The following ZMYND15 variants were observed in gnomAD, a reference collection of about 807,000 sequenced individuals.
ZMYND15 encodes the protein zinc finger MYND-type containing 15, also known as zinc finger MYND domain-containing protein 15.
In ZMYND15, 54 loss-of-function variants were observed where a neutral mutation model predicts 81.7. That is an observed-to-expected ratio of 0.66 (90% CI 0.53 to 0.83). The LOEUF (loss-of-function observed/expected upper bound fraction) is 0.83. Among genes scored for constraint, ZMYND15 ranks in the 40% least tolerant of loss-of-function variants. The pLI, the probability that ZMYND15 is intolerant of heterozygous loss-of-function variation, is 0.00. For missense variants in ZMYND15, 925 were observed against 973.5 expected (o/e 0.95, Z 0.66); for synonymous variants, 399 against 387.0 (o/e 1.03, Z -0.36).
intron 4 of ZMYND15, 110 bp downstream of exon 4, chr17:4,742,180 G>A (rs757270713): frequency 1.8e-4 from 283 of 1,550,966 alleles, no homozygotes; most frequent in Admixed American, 2.5e-4. Flanking sequence ...GACATGAGAA[G>A]ATGCAGAGGA....
chr17:4,744,637 G>A lies in ZMYND15; in HGVS notation c.1696G>A (p.Val566Met), dbSNP rs771364872. ...TGGGGCCCCTCAGGACAGCCTGGAG[G>A]TGTCTGTCCGGCCTGGTTCCGGCAT... ...HFTLQRDSLE[V>M]SVRPGSGISA... Residue 566 changes from valine (V) to methionine (M), a missense_variant, in exon 11 of 14, where the codon GTG becomes ATG. By Grantham distance (21) the Val-to-Met change is conservative. Coordinates refer to ENST00000433935, the MANE Select transcript of ZMYND15 (RefSeq NM_001136046.3). This position sits in a 1 kb window ranked among gnomAD's most constrained non-coding sequence, Gnocchi z 4.1. The A allele has an allele frequency of 1.9e-6, 3 of 1,612,664 alleles. No homozygotes were observed. Among genetic ancestry groups the A allele is most frequent in the Non-Finnish European group, 2.5e-6 (3 of 1,179,896 alleles).
At position 4,743,553 on chromosome 17, in the gene ZMYND15, A is replaced by G; in HGVS notation, c.1297+98A>G. 6.6e-7 allele frequency: 1 copy of G among 1,514,578 alleles called. No homozygotes were observed. The highest frequency in any genetic ancestry group is 8.9e-7 in the Non-Finnish European group (1 of 1,124,142). The allele number at this position is 1,514,578 out of a possible 1,614,324, so 93.8% of individuals were successfully genotyped here. On this transcript the variant is annotated intron_variant, in intron 6 of 13. Coordinates refer to ENST00000433935, the MANE Select transcript of ZMYND15 (RefSeq NM_001136046.3). This position sits in a 1 kb window ranked among gnomAD's most constrained non-coding sequence, Gnocchi z 4.3. ...AGATGATCCCTCCACATACACACTGACCCCTACCAACAGCACCAGGGCCAT... is the reference window on the plus strand; with the variant it reads ...AGATGATCCCTCCACATACACACTGGCCCCTACCAACAGCACCAGGGCCAT...
At position 4,741,598 on chromosome 17, in the gene ZMYND15, C is replaced by T. The variant is rs772833855; in HGVS notation, c.609C>T (p.His203=). 1.4e-5 allele frequency: 22 copies of T among 1,613,962 alleles called. No homozygotes were observed. Among genetic ancestry groups the T allele is most frequent in the East Asian group, 4.5e-5 (2 of 44,896 alleles). ...TTTCCCCAGAGGCTGCCCCCCTGCA[C>T]GTTTCCTGTCTCTTACTTGTGACGG... is the stretch of plus-strand genomic sequence containing the variant. The part of the protein sequence containing the change: ...KGQRSEAAPL[H]VSCLLLVTDE... Residue 203 remains histidine, a synonymous_variant, in exon 3 of 14, where the codon CAC becomes CAT. Coordinates refer to ENST00000433935, the MANE Select transcript of ZMYND15 (RefSeq NM_001136046.3).
rs146332466 is a variant in ZMYND15 at position 4,742,472 on chromosome 17, G to A, written c.1125G>A (p.Leu375=). The part of the protein sequence containing the change: ...FMERAGELAT[L]PFTYTAEVTS... ...AGCGGGCAGGAGAACTGGCAACCCT[G>A]CCTTTTACCTACACCGCAGGTACCA... Residue 375 remains leucine, a synonymous_variant, in exon 5 of 14, where the codon CTG becomes CTA. Transcript: ENST00000433935. The A allele has an allele frequency of 7.8e-4, 1,251 of 1,614,122 alleles. 4 individuals carry two copies. Among genetic ancestry groups the A allele is most frequent in the Non-Finnish European group, 8.4e-4 (997 of 1,180,026 alleles).
In ZMYND15 at chr17:4,743,873, C is replaced by A. The variant is rs1387047413; in HGVS notation, c.1378+26C>A. The A allele has an allele frequency of 1.2e-6, 2 of 1,611,754 alleles. No individual in the cohort carries two copies. The highest frequency in any genetic ancestry group is 1.1e-5 in the South Asian group (1 of 90,646). Reference sequence around the variant, plus strand: ...GTGAGCTGGAGGGGCCCTGTGGAAGCTAGGGGTAGGGCCAGGGACTGGAGA... The same window carrying A: ...GTGAGCTGGAGGGGCCCTGTGGAAGATAGGGGTAGGGCCAGGGACTGGAGA... On this transcript the variant is annotated intron_variant, in intron 7 of 13. Transcript: ENST00000433935. The surrounding 1 kb of genome is among the most constrained non-coding windows in gnomAD (Gnocchi z 4.3).
chr17:4,741,857 C>T, intron 3 of ZMYND15, 41 bp downstream of exon 3: 2 of 1,588,462 alleles, frequency 1.3e-6, no homozygotes, highest in Non-Finnish European at 1.7e-6. Context: ...GGACTCGGGC[C>T]CTGGATTCCC....
chr17:4,739,967 G>T lies in ZMYND15; in HGVS notation c.-114G>T. ...GTGGCCGCCCGCTGAGCCGGCGAGG[G>T]CTCGGGCAGCCCTGACGTCACAACC... On this transcript the variant is annotated 5_prime_UTR_variant, in exon 1 of 14. Coordinates refer to ENST00000433935, the MANE Select transcript of ZMYND15 (RefSeq NM_001136046.3). The surrounding 1 kb of genome is among the most constrained non-coding windows in gnomAD (Gnocchi z 5.3). The T allele has an allele frequency of 2.0e-6, 2 of 985,256 alleles. No individual in the cohort carries two copies. The highest frequency in any genetic ancestry group is 2.4e-6 in the Non-Finnish European group (2 of 829,914). 61.0% of individuals were successfully genotyped at this position (985,256 alleles called of 1,614,324 possible). A position where few individuals can be genotyped will look rare whatever the true frequency, so the allele number is the denominator to read the frequency against.
At chr17:4,740,286 T>C (rs1916331049) in intron 1 of ZMYND15, 1 of 714,052 alleles carries the variant, frequency 1.4e-6, no homozygotes, top group African/African-American at 1.8e-5. Context: ...AAATACCATC[T>C]CATCCCTGAG....
At chr17:4,742,159 G>A (rs1916455397) in intron 4 of ZMYND15, 89 bp downstream of exon 4, 3 of 1,572,178 alleles carry the variant, frequency 1.9e-6, no homozygotes, top group Non-Finnish European at 1.7e-6. Context: ...GCAGACAGAA[G>A]GAGAGGCAGG....
At chr17:4,746,119 G>A, downstream of ZMYND15, 2 of 994,898 alleles carry the variant, frequency 2.0e-6, no homozygotes, top group Non-Finnish European at 2.7e-6. Context: ...TGAAACCACT[G>A]AGTCATGGAT....
At chr17:4,741,211 A>G in intron 2 of ZMYND15, 71 bp downstream of exon 2, 1 of 1,378,002 alleles carries the variant, frequency 7.3e-7, no homozygotes, top group Non-Finnish European at 9.4e-7. Flanking sequence ...CTCCCCTGCC[A>G]CTAGTTCTGA....
At position 4,745,968 on chromosome 17, in the gene ZMYND15, G is replaced by T. The variant is rs901503936; in HGVS notation, c.2207G>T (p.Arg736Leu). Residue 736 changes from arginine (R) to leucine (L), a missense_variant, in exon 14 of 14, where the codon CGG (arginine) becomes CTG (leucine). Physicochemically the swap from Arg to Leu is moderately radical, Grantham distance 102. Coordinates refer to ENST00000433935, the MANE Select transcript of ZMYND15 (RefSeq NM_001136046.3). This position sits in a 1 kb window ranked among gnomAD's most constrained non-coding sequence, Gnocchi z 5.2. ...RRRRGEKKPG[R>L]GARRRK ...CGCCGAGGAGAAAAGAAACCTGGGC[G>T]GGGGGCCCGCCGGCGGAAATGAATG... The T allele has an allele frequency of 6.2e-6, 9 of 1,448,286 alleles. No individual in the cohort carries two copies. In the East Asian group the frequency reaches 8.4e-5, roughly 13 times the overall value. 89.7% of individuals were successfully genotyped at this position (1,448,286 alleles called of 1,614,324 possible).
chr17:4,743,287 C>T lies in ZMYND15; in HGVS notation c.1145-16C>T. 11 of 1,530,328 alleles carry T rather than the reference C, an allele frequency of 7.2e-6. No homozygotes were observed. The highest frequency in any genetic ancestry group is 9.8e-6 in the Non-Finnish European group (11 of 1,120,084). 94.8% of individuals were successfully genotyped at this position (1,530,328 alleles called of 1,614,324 possible). On this transcript the variant is annotated splice_polypyrimidine_tract_variant and intron_variant, in intron 5 of 13. Transcript: ENST00000433935. This position sits in a 1 kb window ranked among gnomAD's most constrained non-coding sequence, Gnocchi z 4.3. ...TCTAGCCCAGCACCTCAACTCCTCC[C>T]CTTCTCCTTCTCCAGAGGTGACCAG... is the stretch of plus-strand genomic sequence containing the variant.
chr17:4,742,213 G>A lies in ZMYND15; in HGVS notation c.984-118G>A, dbSNP rs926798404. The A allele has an allele frequency of 2.4e-5, 37 of 1,529,980 alleles. No individual in the cohort carries two copies. In the African/African-American group the frequency reaches 2.5e-4, roughly 10 times the overall value. The allele number at this position is 1,529,980 out of a possible 1,614,324, so 94.8% of individuals were successfully genotyped here. A position where few individuals can be genotyped will look rare whatever the true frequency, so the allele number is the denominator to read the frequency against. ...GGAAACAATACAGACTGTTACAGGC[G>A]GTTAGAGGGTGTAAGACAAACAGAC... On this transcript the variant is annotated intron_variant, in intron 4 of 13. Coordinates refer to ENST00000433935, the MANE Select transcript of ZMYND15 (RefSeq NM_001136046.3).
Position 4,743,220 on chromosome 17 carries a change from T to TA in ZMYND15, c.1145-82dup. 1 of 1,411,512 alleles carries TA rather than the reference T, an allele frequency of 7.1e-7. No individual in the cohort carries two copies. Among genetic ancestry groups the TA allele is most frequent in the Non-Finnish European group, 9.6e-7 (1 of 1,046,654 alleles). 87.4% of individuals were successfully genotyped at this position (1,411,512 alleles called of 1,614,324 possible). A position where few individuals can be genotyped will look rare whatever the true frequency, so the allele number is the denominator to read the frequency against. ...CGCCACTGCACTCTAGCTTGGGTGA[T>TA]AGAGCAAGACTCTGTCTCAAAAAAA... On this transcript the variant is annotated intron_variant, in intron 5 of 13. Transcript: ENST00000433935. This position sits in a 1 kb window ranked among gnomAD's most constrained non-coding sequence, Gnocchi z 4.3.
chr17:4,744,416 A>G lies in ZMYND15; in HGVS notation c.1632A>G (p.Val544=). 1.2e-6 allele frequency: 2 copies of G among 1,614,026 alleles called. No individual in the cohort carries two copies. The highest frequency in any genetic ancestry group is 1.7e-6 in the Non-Finnish European group (2 of 1,180,008). ...LPHVALELQF[V]GDGLPPESDE... ...ATGTGGCCCTGGAGCTGCAGTTTGT[A>G]GGTGATGGCCTGCCCCCCGAAAGCG... is the stretch of plus-strand genomic sequence containing the variant. Residue 544 remains valine, a synonymous_variant, in exon 10 of 14, where the codon GTA becomes GTG. Transcript: ENST00000433935. The surrounding 1 kb of genome is among the most constrained non-coding windows in gnomAD (Gnocchi z 4.1).
At position 4,742,117 on chromosome 17, in the gene ZMYND15, T is replaced by C. The variant is rs754180037; in HGVS notation, c.983+47T>C. ...GGAGAGGAAGACCCCAATAGGCAAATAGAAGGAAGGCAGGGTGGTGGGGGG... is the reference window on the plus strand; with the variant it reads ...GGAGAGGAAGACCCCAATAGGCAAACAGAAGGAAGGCAGGGTGGTGGGGGG... On this transcript the variant is annotated intron_variant, in intron 4 of 13. Coordinates refer to ENST00000433935, the MANE Select transcript of ZMYND15 (RefSeq NM_001136046.3). The C allele has an allele frequency of 1.1e-5, 18 of 1,607,102 alleles. No homozygotes were observed. In the African/African-American group the frequency reaches 2.4e-4, roughly 22 times the overall value.
At chr17:4,740,163 C>T in intron 1 of ZMYND15, 113 bp downstream of exon 1, 1 of 811,114 alleles carries the variant, frequency 1.2e-6, no homozygotes, top group Non-Finnish European at 1.5e-6. Context: ...ACAGACGCAT[C>T]CAAAATGCTT....
chr17:4,740,626 G>T lies in ZMYND15; in HGVS notation c.78G>T (p.Val26=). The change falls in exon 2 of 14, where the codon GTG becomes GTT. Residue 26 remains valine (V), a synonymous_variant. Transcript: ENST00000433935. ...ALLFGWFRKF[V]AERGAVGTSL... is the part of the protein sequence containing the mutation. ...TCTTCGGCTGGTTCCGAAAGTTTGT[G>T]GCAGAGCGTGGAGCTGTAGGGACTA... The T allele has an allele frequency of 6.2e-7, 1 of 1,613,606 alleles. No homozygotes were observed. The highest frequency in any genetic ancestry group is 8.5e-7 in the Non-Finnish European group (1 of 1,179,732).
Sources: allele counts gnomAD v4.1 joint callset, GRCh38; gene constraint gnomAD v4.1.1; non-coding constraint Gnocchi (gnomAD v3.1); transcripts MANE v1.5; gene names NCBI Gene and HGNC (gene_info 2026-07-23, HGNC 2026-07-21).